CACNB2: variants seen among roughly 807,000 people sequenced by gnomAD.
CACNB2 encodes the protein calcium voltage-gated channel auxiliary subunit beta 2.
In CACNB2, 42 loss-of-function variants were observed where a neutral mutation model predicts 73.3. The observed-to-expected ratio is 0.57, with a 90% CI of 0.45 to 0.74. CACNB2 has a LOEUF of 0.74. CACNB2 is among the 30% of genes least tolerant of loss of function. CACNB2 has a pLI of 0.00. For missense variants in CACNB2, 940 were observed against 853.0 expected, an observed-to-expected ratio of 1.10 and a Z score of -1.27; for synonymous variants, 348 against 310.3, an observed-to-expected ratio of 1.12 and a Z score of -1.28.
intron 2 of CACNB2, among the ~76,000 whole-genome samples, chr10:18,197,959 A>G (rs925453867): frequency 1.4e-5 from 2 of 148,018 alleles, no homozygotes; most frequent in Non-Finnish European, 3.0e-5. Flanking sequence ...TTGTATTATA[A>G]TCAATATACT....
At position 18,159,771 on chromosome 10, in the gene CACNB2, T is replaced by C. The variant is rs185889820; in HGVS notation, c.213+8796T>C. Among the ~76,000 whole-genome samples the C allele has an allele frequency of 1.6e-4, 25 of 152,372 alleles. No homozygotes were observed. The East Asian group carries it at 4.6e-3, about 28-fold the overall frequency. ...GACTCCAGGCCTGCGTAGACTGATA[T>C]GTTTAAGGTTGGATAAATCTTTCAG... is the stretch of plus-strand genomic sequence containing the variant. On this transcript the variant is annotated intron_variant, in intron 2 of 13. Coordinates refer to ENST00000324631, the MANE Select transcript of CACNB2 (RefSeq NM_201596.3).
chr10:18,162,977 C>T (rs1242881434), intron 2 of CACNB2, among the ~76,000 whole-genome samples: 6 of 151,926 alleles, frequency 3.9e-5, no homozygotes, highest in Non-Finnish European at 7.4e-5. Context: ...TAGAAGAGAT[C>T]GATGGATGGG....
intron 3 of CACNB2, among the ~76,000 whole-genome samples, chr10:18,403,646 T>C (rs1418654258): frequency 1.3e-5 from 2 of 152,220 alleles, no homozygotes; most frequent in African/African-American, 2.4e-5. Flanking sequence ...CAAAGAACTT[T>C]TAAAGTATCT....
At chr10:18,159,555 A>G (rs1040624136) in intron 2 of CACNB2, among the ~76,000 whole-genome samples, 6 of 152,240 alleles carry the variant, frequency 3.9e-5, no homozygotes, top group African/African-American at 1.4e-4. Context: ...AGAAGGTTGC[A>G]TGACACTTTC....
At chr10:18,397,859 T>C (rs899202006) in intron 2 of CACNB2, among the ~76,000 whole-genome samples, 1 of 152,122 alleles carries the variant, frequency 6.6e-6, no homozygotes, top group African/African-American at 2.4e-5. Flanking sequence ...GTGATGATCC[T>C]GGGAGGAACT....
At chr10:18,277,095 G>A (rs903728598) in intron 2 of CACNB2, among the ~76,000 whole-genome samples, 3 of 152,160 alleles carry the variant, frequency 2.0e-5, no homozygotes, top group Non-Finnish European at 4.4e-5. Flanking sequence ...CCAGCCTGAG[G>A]GATGGAGCGA....
At chr10:18,156,019 ATAAT>A (rs2032023536) in intron 2 of CACNB2, among the ~76,000 whole-genome samples, 1 of 152,042 alleles carries the variant, frequency 6.6e-6, no homozygotes, top group East Asian at 1.9e-4. Flanking sequence ...CTCATTAGTC[ATAAT>A]TAATTCTGTA....
rs12098707 is a variant in CACNB2, at chr10:18,506,596, C to T, written c.670+49C>T. On this transcript the variant is annotated intron_variant, in intron 6 of 13. Transcript: ENST00000324631. ...TAATACATACTGCATTTCATGCTTT[C>T]CCCAGCTCTATCCAGTTTTGTGAAT... 7.4e-4 allele frequency: 848 copies of T among 1,151,634 alleles called. 3 individuals carry two copies. In the African/African-American group the frequency reaches 0.012, roughly 16 times the overall value. 71.3% of individuals were successfully genotyped at this position (1,151,634 alleles called of 1,614,324 possible).
intron 2 of CACNB2, among the ~76,000 whole-genome samples, chr10:18,169,093 C>T (rs566327427): frequency 7.9e-4 from 120 of 152,188 alleles, no homozygotes; most frequent in African/African-American, 2.8e-3. Context: ...GCTGTAATAG[C>T]ATACAATTAC....
intron 2 of CACNB2, among the ~76,000 whole-genome samples, chr10:18,187,094 G>T (rs1026969652): frequency 6.6e-6 from 1 of 152,116 alleles, no homozygotes; most frequent in East Asian, 1.9e-4. Flanking sequence ...TAGGCTGGGT[G>T]GTCAGGGAAG....
chr10:18,436,730 G>A (rs1926026), intron 3 of CACNB2, among the ~76,000 whole-genome samples: 137,695 of 152,284 alleles, frequency 0.9, 62,554 homozygotes, highest in African/African-American at 0.98. Flanking sequence ...AAATGAGCTT[G>A]TACAACTGAA....
intron 3 of CACNB2, among the ~76,000 whole-genome samples, chr10:18,424,483 G>A (rs1219515269): frequency 6.6e-6 from 1 of 152,122 alleles, no homozygotes; most frequent in African/African-American, 2.4e-5. Flanking sequence ...TGGCACACTG[G>A]TGGGCGTGTC....
At chr10:18,319,499 T>C (rs1003387459) in intron 2 of CACNB2, among the ~76,000 whole-genome samples, 47 of 152,090 alleles carry the variant, frequency 3.1e-4, no homozygotes, top group African/African-American at 1.1e-3. Flanking sequence ...CTAATGCATG[T>C]GGGGCTTAAA....
intron 3 of CACNB2, among the ~76,000 whole-genome samples, chr10:18,415,652 C>G (rs1589286037): frequency 6.6e-6 from 1 of 152,154 alleles, no homozygotes; most frequent in African/African-American, 2.4e-5. Context: ...CAATGTGATT[C>G]TCTCTAAGGT....
At position 18,527,475 on chromosome 10, in the gene CACNB2, A is replaced by T. The variant is rs1436348155; in HGVS notation, c.945-113A>T. The T allele has an allele frequency of 6.7e-6, 5 of 749,598 alleles. No individual in the cohort carries two copies. In the African/African-American group the frequency reaches 8.6e-5, roughly 13 times the overall value. 46.4% of individuals were successfully genotyped at this position (749,598 alleles called of 1,614,324 possible). ...TAAGTATCCTAACACATATGGTTTG[A>T]AAATATGGTTGCTATATATATTTCA... On this transcript the variant is annotated intron_variant, in intron 9 of 13. Transcript: ENST00000324631.
chr10:18,250,108 G>A (rs1158773729), intron 2 of CACNB2, among the ~76,000 whole-genome samples: 3 of 152,074 alleles, frequency 2.0e-5, no homozygotes, highest in Admixed American at 6.6e-5. Context: ...GTCCTCGCAC[G>A]AACACTTTAG....
At chr10:18,197,052 C>T (rs543601607) in intron 2 of CACNB2, among the ~76,000 whole-genome samples, 1 of 152,180 alleles carries the variant, frequency 6.6e-6, no homozygotes, top group African/African-American at 2.4e-5. Context: ...CATTCTCTCT[C>T]TTCACTCCCC....
At chr10:18,390,445 C>T (rs1032990339) in intron 2 of CACNB2, among the ~76,000 whole-genome samples, 3 of 152,188 alleles carry the variant, frequency 2.0e-5, no homozygotes, top group African/African-American at 4.8e-5. Context: ...AACACCTGAC[C>T]TTGTGATCTG....
intron 2 of CACNB2, among the ~76,000 whole-genome samples, chr10:18,217,167 T>C (rs1404003024): frequency 6.6e-6 from 1 of 152,142 alleles, no homozygotes; most frequent in African/African-American, 2.4e-5. Context: ...TTTTGGTTGG[T>C]AGATAAAGCT....
Sources: allele counts gnomAD v4.1 joint callset (sites outside exome capture counted in the v4.1 genomes callset), GRCh38; gene constraint gnomAD v4.1.1; transcripts MANE v1.5; gene names NCBI Gene and HGNC (gene_info 2026-07-23, HGNC 2026-07-21).